The following NCBP3 variants were observed in gnomAD, a reference collection of about 807,000 sequenced individuals.
NCBP3 encodes nuclear cap-binding protein subunit 3.
A neutral mutation model predicts 75.7 loss-of-function variants in NCBP3; 20 were observed. The ratio of observed to expected loss-of-function variants is 0.26; its 90% confidence interval spans 0.19 to 0.38. The LOEUF is 0.38. Ranked by LOEUF, NCBP3 falls within the 10% of genes least tolerant of loss-of-function variation. NCBP3 has a pLI of 1.00. For synonymous variants in NCBP3, 293 were observed against 290.5 expected, an observed-to-expected ratio of 1.01 and a Z score of -0.09; for missense variants, 678 against 796.9, an observed-to-expected ratio of 0.85 and a Z score of 1.80.
At position 3,846,192 on chromosome 17, in the gene NCBP3, A is replaced by G. The variant is rs1030271100; in HGVS notation, c.32T>C (p.Val11Ala). The part of the protein sequence containing the change: MAAVRGLRVS[V>A]KAEAPAGPAL... ...CGGCCCCGCCGGGGCCTCCGCCTTC[A>G]CCGACACCCGCAGGCCCCGTACGGC... is the stretch of plus-strand genomic sequence containing the variant. The change falls in exon 1 of 13, where the codon GTG (valine) becomes GCG (alanine). Residue 11 changes from valine (V) to alanine (A), a missense_variant. By Grantham distance (64) the Val-to-Ala change is moderately conservative. Coordinates refer to ENST00000389005, the MANE Select transcript of NCBP3 (RefSeq NM_001114118.3). The surrounding 1 kb of genome is among the most constrained non-coding windows in gnomAD (Gnocchi z 4.6). 7 of 1,507,890 alleles carry G rather than the reference A, an allele frequency of 4.6e-6. No individual in the cohort carries two copies. The highest frequency in any genetic ancestry group is 1.5e-5 in the African/African-American group (1 of 68,678). The allele number at this position is 1,507,890 out of a possible 1,614,324, so 93.4% of individuals were successfully genotyped here.
chr17:3,812,921 G>T lies in NCBP3; in HGVS notation c.*123C>A. On this transcript the variant is annotated 3_prime_UTR_variant, in exon 13 of 13. Transcript: ENST00000389005. ...GATGTCTTGCCGAAGTAGCAAGAGC[G>T]GAGGGTGACTGTGTGAGCAGGAGCG... 3.3e-6 allele frequency: 5 copies of T among 1,507,332 alleles called. No homozygotes were observed. Among genetic ancestry groups the T allele is most frequent in the Non-Finnish European group, 4.4e-6 (5 of 1,132,774 alleles). The allele number at this position is 1,507,332 out of a possible 1,614,324, so 93.4% of individuals were successfully genotyped here.
Position 3,808,259 on chromosome 17 carries a change from T to C in NCBP3, c.*4785A>G, listed in dbSNP as rs772085443. On this transcript the variant is annotated 3_prime_UTR_variant, in exon 13 of 13. Coordinates refer to ENST00000389005, the MANE Select transcript of NCBP3 (RefSeq NM_001114118.3). ...TGGTACTCAACCAAACAGTAATGTG[T>C]TCCCACATGGGCAAGAAATGACTAC... 2 of 152,266 alleles carry C rather than the reference T, an allele frequency of 1.3e-5. No homozygotes were observed. The highest frequency in any genetic ancestry group is 2.9e-5 in the Non-Finnish European group (2 of 68,042). The allele number at this position is 152,266 out of a possible 1,614,324, so 9.4% of individuals were successfully genotyped here.
intron 3 of NCBP3, among the ~76,000 whole-genome samples, chr17:3,833,370 A>T (rs1284760909): frequency 6.6e-6 from 1 of 152,194 alleles, no homozygotes; most frequent in Non-Finnish European, 1.5e-5. Flanking sequence ...TTGGTCTCCC[A>T]AAGTGTTGGA....
intron 1 of NCBP3, 76 bp from the exon 2 acceptor site, chr17:3,843,227 T>A (rs73314078): frequency 6.1e-5 from 68 of 1,109,166 alleles, no homozygotes; most frequent in Non-Finnish European, 8.3e-5. Context: ...GCCTGACATC[T>A]GCAGGTTCTT....
chr17:3,813,506 GA>G (rs1231976979), intron 12 of NCBP3, among the ~76,000 whole-genome samples: 2 of 152,098 alleles, frequency 1.3e-5, no homozygotes, highest in Non-Finnish European at 1.5e-5. Flanking sequence ...ACCGTGGGGG[GA>G]CAGGTCAGGT....
Position 3,813,107 on chromosome 17 carries a change from G to C in NCBP3, c.1800C>G (p.Asn600Lys). Residue 600 changes from asparagine (N) to lysine (K), a missense_variant, in exon 13 of 13, where the codon AAC becomes AAG. Around this residue, in one of 7 missense-constraint regions of NCBP3, gnomAD observed 365 missense variants for 392.7 expected, o/e 0.93. Transcript: ENST00000389005. ...TAACTTCAATCTGGAGAGATGGTAA[G>C]TTATCTAACCGGCTCTTCTTTTGGC... ...QSRQKKSRLD[N>K]LPSLQIEVSR... 5 of 1,614,256 alleles carry C rather than the reference G, an allele frequency of 3.1e-6. No homozygotes were observed. The highest frequency in any genetic ancestry group is 4.2e-6 in the Non-Finnish European group (5 of 1,180,046).
In NCBP3 at chr17:3,824,984, G is replaced by A; in HGVS notation, c.754C>T (p.Leu252Phe). 6.5e-7 allele frequency: 1 copy of A among 1,545,358 alleles called. No homozygotes were observed. The highest frequency in any genetic ancestry group is 8.7e-7 in the Non-Finnish European group (1 of 1,143,916). ...ATGAATAACCTATTTCCTTTAGCAA[G>A]TTTGTTAGCTGGACGAAGATCGTTT... The part of the protein sequence containing the change: ...LRNDLRPANK[L>F]AKGNRLFMRF... The change falls in exon 7 of 13, where the codon CTT becomes TTT. Residue 252 changes from leucine to phenylalanine, a missense_variant. Leu to Phe is a conservative substitution (Grantham distance 22, BLOSUM62 0). This residue lies in a region of NCBP3 where 98 missense variants were observed against 101.8 expected (regional missense o/e 0.96). Transcript: ENST00000389005.
At chr17:3,817,966 T>TACACACAC (rs61462832) in intron 10 of NCBP3, among the ~76,000 whole-genome samples, 2,609 of 149,000 alleles carry the variant, frequency 0.018, 69 homozygotes, top group Admixed American at 0.068. Flanking sequence ...CCCTGTGCCA[T>TACACACAC]ACACACACAC....
chr17:3,818,514 T>TTCCTCC lies in NCBP3; in HGVS notation c.1053_1058dup (p.Glu358_Glu359dup), dbSNP rs749720658. On this transcript the variant is annotated inframe_insertion, in exon 10 of 13. Transcript: ENST00000389005. The surrounding 1 kb of genome is among the most constrained non-coding windows in gnomAD (Gnocchi z 4.7). ...CCTGGTCTTCTTCTTCCTCTTCCTC[T>TTCCTCC]TCCTCCTCCTCCTCCTCTTCCTCCT... is the stretch of plus-strand genomic sequence containing the variant. The TTCCTCC allele has an allele frequency of 2.5e-6, 4 of 1,610,502 alleles. No individual in the cohort carries two copies. In the East Asian group the frequency reaches 6.7e-5, roughly 27 times the overall value.
chr17:3,828,270 G>A (rs1294762711), intron 4 of NCBP3, among the ~76,000 whole-genome samples: 1 of 152,190 alleles, frequency 6.6e-6, no homozygotes, highest in Non-Finnish European at 1.5e-5. Flanking sequence ...CAGACTCATA[G>A]CTTCTGTATT....
chr17:3,841,509 G>GT (rs1432655200), intron 2 of NCBP3, among the ~76,000 whole-genome samples: 1 of 151,404 alleles, frequency 6.6e-6, no homozygotes, highest in Non-Finnish European at 1.5e-5. Flanking sequence ...GGCAAACAGT[G>GT]TAAGATTATG....
chr17:3,822,152 G>A (rs183794404), intron 7 of NCBP3, 100 bp from the exon 8 acceptor site: 22 of 793,968 alleles, frequency 2.8e-5, no homozygotes, highest in African/African-American at 7.0e-5. Context: ...TCAGATCAGC[G>A]CAATTTGCCA....
intron 6 of NCBP3, among the ~76,000 whole-genome samples, 152 bp from the exon 7 acceptor site, chr17:3,825,202 C>A (rs750452697): frequency 2.0e-5 from 3 of 152,176 alleles, no homozygotes; most frequent in Non-Finnish European, 4.4e-5. Context: ...TCAGAGATTT[C>A]CCCTGCCCAC....
intron 3 of NCBP3, among the ~76,000 whole-genome samples, chr17:3,834,228 G>A (rs2053936365): frequency 6.6e-6 from 1 of 152,162 alleles, no homozygotes; most frequent in Admixed American, 6.6e-5. Context: ...ACAGTAACAT[G>A]GAAATGCTGA....
chr17:3,829,775 G>A (rs977554478), intron 3 of NCBP3, among the ~76,000 whole-genome samples: 1 of 152,164 alleles, frequency 6.6e-6, no homozygotes, highest in Non-Finnish European at 1.5e-5. Context: ...AAAGAGAAGA[G>A]ATGCTGCCCG....
chr17:3,824,787 A>C (rs1395613240), intron 7 of NCBP3, 155 bp downstream of exon 7: 2 of 403,488 alleles, frequency 5.0e-6, no homozygotes, highest in African/African-American at 2.1e-5. Context: ...ATTCCAACTC[A>C]GGTGGCAAGC....
At chr17:3,820,467 G>T (rs2053640164) in intron 9 of NCBP3, among the ~76,000 whole-genome samples, 1 of 151,980 alleles carries the variant, frequency 6.6e-6, no homozygotes, top group African/African-American at 2.4e-5. Context: ...AAATAAAATG[G>T]TTCTTTTACA....
chr17:3,836,852 A>G (rs1275307210), intron 3 of NCBP3, among the ~76,000 whole-genome samples: 1 of 151,666 alleles, frequency 6.6e-6, no homozygotes, highest in African/African-American at 2.4e-5. Flanking sequence ...CTGCACATTA[A>G]AAGTACCTGA....
At chr17:3,828,681 T>C (rs1179121627) in intron 4 of NCBP3, among the ~76,000 whole-genome samples, 1 of 152,010 alleles carries the variant, frequency 6.6e-6, no homozygotes, top group Admixed American at 6.6e-5. Flanking sequence ...GGAAAGCTCA[T>C]GGGTCAGGGC....
Sources: allele counts gnomAD v4.1 joint callset (sites outside exome capture counted in the v4.1 genomes callset), GRCh38; gene constraint gnomAD v4.1.1; regional missense constraint gnomAD v4.1.1; non-coding constraint Gnocchi (gnomAD v3.1); transcripts MANE v1.5; gene names NCBI Gene and HGNC (gene_info 2026-07-23, HGNC 2026-07-21).